B4GALT6: variants seen among roughly 807,000 people sequenced by gnomAD.
The protein encoded by B4GALT6 is UDP-Gal:beta-GlcNAc beta-1,4-galactosyltransferase 6.
Under a neutral mutation model 46.3 loss-of-function variants are expected in B4GALT6, and 14 were observed. The ratio of observed to expected loss-of-function variants is 0.30; its 90% CI spans 0.20 to 0.47. The LOEUF (loss-of-function observed/expected upper bound fraction) is 0.47. Among genes scored for constraint, B4GALT6 ranks in the 20% least tolerant of loss-of-function variants. The pLI is 0.99. For synonymous variants in B4GALT6, 168 were observed against 162.0 expected (o/e 1.04, Z -0.28); for missense variants, 386 against 480.1 (o/e 0.80, Z 1.83).
chr18:31,699,396 C>T, the B4GALT6 span, among the ~76,000 whole-genome samples: 853 of 151,598 alleles, frequency 5.6e-3, 20 homozygotes, highest in East Asian at 0.071. Context: ...CCTCAGCCTC[C>T]CAAGTAGCTG....
chr18:31,697,875 G>A, the B4GALT6 span, among the ~76,000 whole-genome samples: 1 of 152,042 alleles, frequency 6.6e-6, no homozygotes, highest in Non-Finnish European at 1.5e-5. Flanking sequence ...TCATTCGTTT[G>A]TAGATAATTT....
In B4GALT6 at chr18:31,625,060, A is replaced by G. The variant is rs955750108; in HGVS notation, c.*554T>C. 6.6e-6 allele frequency: 1 copy of G among 152,646 alleles called. No individual in the cohort carries two copies. Among genetic ancestry groups the G allele is most frequent in the Non-Finnish European group, 1.5e-5 (1 of 68,058 alleles). The allele number at this position is 152,646 out of a possible 1,614,324, so 9.5% of individuals were successfully genotyped here. The stretch of plus-strand genomic sequence containing the variant: ...CTGAGGTCTAAAGCTCAAAACTAGT[A>G]TAACAGTTTACTGTATTAGTTGGCT... On this transcript the variant is annotated 3_prime_UTR_variant, in exon 9 of 9. Transcript: ENST00000306851.
the B4GALT6 span, among the ~76,000 whole-genome samples, chr18:31,719,544 G>A: frequency 5.9e-5 from 9 of 152,190 alleles, no homozygotes; most frequent in African/African-American, 1.9e-4. Context: ...CACCTTGCCC[G>A]CTGCCTAGAC....
intron 4 of B4GALT6, among the ~76,000 whole-genome samples, chr18:31,639,268 G>C (rs764683163): frequency 6.6e-6 from 1 of 152,158 alleles, no homozygotes; most frequent in African/African-American, 2.4e-5. Flanking sequence ...AAGTAAGGGA[G>C]GGGAATGTAT....
intron 2 of B4GALT6, among the ~76,000 whole-genome samples, chr18:31,662,246 T>C (rs1477420178): frequency 6.6e-6 from 1 of 152,196 alleles, no homozygotes; most frequent in Non-Finnish European, 1.5e-5. Context: ...GCTAAACATC[T>C]GCTATTCTTG....
rs374433903 is a variant in B4GALT6 at position 31,625,647 on chromosome 18, G to A, written c.1116C>T (p.Leu372=). 1 of 1,613,002 alleles carries A rather than the reference G, an allele frequency of 6.2e-7. No homozygotes were observed. Among genetic ancestry groups the A allele is most frequent in the Non-Finnish European group, 8.5e-7 (1 of 1,179,654 alleles). ...DRLYTNISVN[L]MPELAPIEDY Reference sequence around the variant, plus strand: ...CTTCGATTGGAGCTAACTCTGGCATGAGGTTTACAGATATGTTTGTATACA... The same window carrying A: ...CTTCGATTGGAGCTAACTCTGGCATAAGGTTTACAGATATGTTTGTATACA... The change falls in exon 9 of 9, where the codon CTC becomes CTT. Residue 372 remains leucine, a synonymous_variant. Coordinates refer to ENST00000306851, the MANE Select transcript of B4GALT6 (RefSeq NM_004775.5).
Position 31,626,916 on chromosome 18 carries a change from G to A in B4GALT6, c.899+83C>T, listed in dbSNP as rs199537941. Reference sequence around the variant, plus strand: ...ATATCCCATCCCAAAGAATGTTCTTGGAATGGATAAGTACTACAATTTACC... The same window carrying A: ...ATATCCCATCCCAAAGAATGTTCTTAGAATGGATAAGTACTACAATTTACC... On this transcript the variant is annotated intron_variant, in intron 7 of 8. Transcript: ENST00000306851. 1.5e-5 allele frequency: 18 copies of A among 1,183,568 alleles called. No homozygotes were observed. The East Asian group carries it at 4.4e-4, about 29-fold the overall frequency. 73.3% of individuals were successfully genotyped at this position (1,183,568 alleles called of 1,614,324 possible).
At chr18:31,684,080 ATCT>A in intron 1 of B4GALT6, among the ~76,000 whole-genome samples, 1 of 152,284 alleles carries the variant, frequency 6.6e-6, no homozygotes, top group East Asian at 1.9e-4. Flanking sequence ...ATTTAATGCA[ATCT>A]TTTACGTTAT....
At chr18:31,661,317 C>G (rs936927802) in intron 2 of B4GALT6, among the ~76,000 whole-genome samples, 5 of 152,078 alleles carry the variant, frequency 3.3e-5, no homozygotes, top group Admixed American at 1.3e-4. Flanking sequence ...CAAGAGACAG[C>G]AGGATAGAAA....
At chr18:31,722,975 G>A in the B4GALT6 span, among the ~76,000 whole-genome samples, 1 of 152,184 alleles carries the variant, frequency 6.6e-6, no homozygotes, top group Non-Finnish European at 1.5e-5. Flanking sequence ...TACTAATCAT[G>A]AGGTTGGATT....
chr18:31,644,714 C>T (rs533683842), intron 4 of B4GALT6, among the ~76,000 whole-genome samples: 4 of 152,110 alleles, frequency 2.6e-5, no homozygotes, highest in Non-Finnish European at 4.4e-5. Context: ...GCAGCAGAGG[C>T]AAACCCACCC....
the B4GALT6 span, among the ~76,000 whole-genome samples, chr18:31,692,178 G>A: frequency 6.6e-5 from 10 of 151,932 alleles, no homozygotes; most frequent in Admixed American, 1.3e-4. Flanking sequence ...TTGAACTACC[G>A]TAAACATATG....
At chr18:31,656,445 C>T (rs1186119315) in intron 3 of B4GALT6, among the ~76,000 whole-genome samples, 4 of 151,578 alleles carry the variant, frequency 2.6e-5, no homozygotes, top group African/African-American at 9.7e-5. Flanking sequence ...AAATAATAGC[C>T]GTGTGGCTTC....
intron 3 of B4GALT6, among the ~76,000 whole-genome samples, chr18:31,655,015 A>C (rs1048657310): frequency 1.3e-5 from 2 of 152,204 alleles, no homozygotes; most frequent in Non-Finnish European, 2.9e-5. Flanking sequence ...GGGAGAAGGA[A>C]AGGGAGAATC....
upstream of B4GALT6, chr18:31,686,154 G>GT (rs1464577458): frequency 6.6e-6 from 1 of 152,234 alleles, no homozygotes; most frequent in Non-Finnish European, 1.5e-5. Context: ...GTGCGCAGGT[G>GT]TTTCTTTTTC....
At chr18:31,676,940 T>C (rs1373570235) in intron 1 of B4GALT6, among the ~76,000 whole-genome samples, 1 of 152,164 alleles carries the variant, frequency 6.6e-6, no homozygotes, top group African/African-American at 2.4e-5. Context: ...CACATAACAT[T>C]TGTAACAAGT....
chr18:31,661,388 G>A (rs1486491968), intron 2 of B4GALT6, among the ~76,000 whole-genome samples: 1 of 152,112 alleles, frequency 6.6e-6, no homozygotes, highest in African/African-American at 2.4e-5. Flanking sequence ...AGGGAGGAGT[G>A]AGCTAGGAGA....
At chr18:31,625,876 T>G (rs576228273) in intron 8 of B4GALT6, 115 bp from the exon 9 acceptor site, 11 of 833,282 alleles carry the variant, frequency 1.3e-5, no homozygotes, top group Non-Finnish European at 1.9e-5. Flanking sequence ...CCTTTACAAT[T>G]TCTGGTTCTT....
chr18:31,636,978 G>A (rs1390845785), intron 5 of B4GALT6, among the ~76,000 whole-genome samples: 1 of 152,200 alleles, frequency 6.6e-6, no homozygotes, highest in East Asian at 1.9e-4. Context: ...CTGCCACCAT[G>A]CCCGGCTAAT....
Sources: gnomAD v4.1 joint callset for allele counts (sites outside exome capture counted in the v4.1 genomes callset) on GRCh38, gnomAD v4.1.1 for gene constraint, MANE v1.5 for transcripts, NCBI Gene and HGNC (gene_info 2026-07-23, HGNC 2026-07-21) for gene names.